The following ZNF775 variants were observed in gnomAD, a reference collection of about 807,000 sequenced individuals.
ZNF775 encodes the protein zinc finger protein 775.
ZNF775 carries 1 observed loss-of-function variant against 2.4 expected under a neutral mutation model. The ratio of observed to expected loss-of-function variants is 0.41; its 90% CI spans 0.15 to 1.94. The LOEUF is 1.94. Ranked by LOEUF, ZNF775 falls within the 30% of genes most tolerant of loss-of-function variation. The pLI is 0.30. For missense variants in ZNF775, 823 were observed against 826.6 expected (o/e 1.00, Z 0.05); for synonymous variants, 381 against 373.3 (o/e 1.02, Z -0.24).
At chr7:150,381,181 CA>C (rs575815957) in intron 1 of ZNF775, among the ~76,000 whole-genome samples, 144 of 150,904 alleles carry the variant, frequency 9.5e-4, no homozygotes, top group African/African-American at 3.3e-3. Context: ...AGGAGGGGGC[CA>C]GGGGTGTGGC....
At position 150,397,460 on chromosome 7, in the gene ZNF775, C is replaced by T; in HGVS notation, c.979C>T (p.His327Tyr). 1 of 1,593,600 alleles carries T rather than the reference C, an allele frequency of 6.3e-7. No homozygotes were observed. Among genetic ancestry groups the T allele is most frequent in the Non-Finnish European group, 8.5e-7 (1 of 1,174,914 alleles). The change falls in exon 3 of 3, where the codon CAC becomes TAC. Residue 327 changes from histidine to tyrosine, a missense_variant. Transcript: ENST00000329630. ...RFSQKPNLTR[H>Y]LRNHTGERPH... ...CAGCCAGAAGCCCAACTTGACGCGG[C>T]ACCTGCGCAACCACACAGGCGAGCG...
chr7:150,394,364 C>T (rs1251495599), intron 2 of ZNF775, among the ~76,000 whole-genome samples: 1 of 152,096 alleles, frequency 6.6e-6, no homozygotes, highest in African/African-American at 2.4e-5. Flanking sequence ...CAGTGGATTC[C>T]CTTGCACATT....
At chr7:150,393,695 T>C (rs1327056951) in intron 2 of ZNF775, among the ~76,000 whole-genome samples, 1 of 152,160 alleles carries the variant, frequency 6.6e-6, no homozygotes, top group Non-Finnish European at 1.5e-5. Context: ...TGAGACAGAG[T>C]TTTGCTCTCG....
chr7:150,396,714 C>G lies in ZNF775; in HGVS notation c.233C>G (p.Thr78Ser), dbSNP rs775808352. The part of the protein sequence containing the change: ...ESGSPRWAPP[T>S]EQDAGLAGRA... ...GGGAGTCCAAGGTGGGCCCCTCCCA[C>G]TGAGCAGGATGCGGGGCTGGCAGGC... The change falls in exon 3 of 3, where the codon ACT becomes AGT. Residue 78 changes from threonine (T) to serine (S), a missense_variant. By Grantham distance (58) the Thr-to-Ser change is moderately conservative (BLOSUM62 1). Transcript: ENST00000329630. 32 of 1,600,520 alleles carry G rather than the reference C, an allele frequency of 2.0e-5. No homozygotes were observed. The highest frequency in any genetic ancestry group is 2.6e-5 in the Non-Finnish European group (31 of 1,174,288).
chr7:150,396,923 C>G lies in ZNF775; in HGVS notation c.442C>G (p.Pro148Ala). ...GTGCGGCAAGAGCTTCAGCCAGAAG[C>G]CGAACCTGGCGCGCCACCAGCGGCA... Reference protein sequence around the residue: ...GKCGKSFSQKPNLARHQRHHT... With the variant: ...GKCGKSFSQKANLARHQRHHT... The change falls in exon 3 of 3, where the codon CCG (proline) becomes GCG (alanine). Residue 148 changes from proline (P) to alanine (A), a missense_variant. Coordinates refer to ENST00000329630, the MANE Select transcript of ZNF775 (RefSeq NM_173680.4). 1 of 1,601,878 alleles carries G rather than the reference C, an allele frequency of 6.2e-7. No homozygotes were observed. The highest frequency in any genetic ancestry group is 1.1e-5 in the South Asian group (1 of 91,048).
intron 1 of ZNF775, among the ~76,000 whole-genome samples, chr7:150,380,655 A>T (rs1373801480): frequency 6.6e-6 from 1 of 152,148 alleles, no homozygotes; most frequent in Non-Finnish European, 1.5e-5. Flanking sequence ...AGCAGAGTTG[A>T]GTTCTCAGTT....
At chr7:150,392,076 T>G (rs1800569312) in intron 2 of ZNF775, among the ~76,000 whole-genome samples, 1 of 152,194 alleles carries the variant, frequency 6.6e-6, no homozygotes, top group Non-Finnish European at 1.5e-5. Context: ...TGTTTTAAAT[T>G]TAGTTTTTAT....
chr7:150,389,883 G>A (rs1256182631), intron 2 of ZNF775, among the ~76,000 whole-genome samples: 2 of 23,666 alleles, frequency 8.5e-5, no homozygotes, highest in African/African-American at 3.2e-4. Flanking sequence ...GTGTGTGTGT[G>A]TGTGTGTGTG....
Position 150,397,410 on chromosome 7 carries a change from C to T in ZNF775, c.929C>T (p.Ala310Val), listed in dbSNP as rs1316489617. 2.5e-6 allele frequency: 4 copies of T among 1,596,444 alleles called. No individual in the cohort carries two copies. Among genetic ancestry groups the T allele is most frequent in the African/African-American group, 2.7e-5 (2 of 74,050 alleles). Residue 310 changes from alanine to valine, a missense_variant, in exon 3 of 3, where the codon GCG becomes GTG. Ala to Val is a moderately conservative substitution (Grantham distance 64). Transcript: ENST00000329630. ...ATCCACACTGGCGAGCGCCCCTATG[C>T]GTGCCCCGAGTGCGGCCGCCGCTTC... Reference protein sequence around the residue: ...QRIHTGERPYACPECGRRFSQ... With the variant: ...QRIHTGERPYVCPECGRRFSQ...
intron 1 of ZNF775, among the ~76,000 whole-genome samples, chr7:150,383,156 T>G (rs1255718595): frequency 6.6e-6 from 1 of 152,260 alleles, no homozygotes; most frequent in African/African-American, 2.4e-5. Context: ...GGTGTGTTTG[T>G]GTGTGGTTTA....
Position 150,396,955 on chromosome 7 carries a change from G to C in ZNF775, c.474G>C (p.Thr158=). ...PNLARHQRHH[T]GERPFCCPEC... ...TGGCGCGCCACCAGCGGCACCACAC[G>C]GGCGAGCGACCCTTCTGCTGCCCCG... Residue 158 remains threonine, a synonymous_variant, in exon 3 of 3, where the codon ACG becomes ACC. Coordinates refer to ENST00000329630, the MANE Select transcript of ZNF775 (RefSeq NM_173680.4). 3 of 1,600,106 alleles carry C rather than the reference G, an allele frequency of 1.9e-6. No individual in the cohort carries two copies. The highest frequency in any genetic ancestry group is 1.7e-5 in the Admixed American group (1 of 59,904).
intron 1 of ZNF775, among the ~76,000 whole-genome samples, chr7:150,381,227 C>G (rs74916550): frequency 0.012 from 1,803 of 152,120 alleles, 32 homozygotes; most frequent in African/African-American, 0.04. Flanking sequence ...TTCCAGCAAG[C>G]GTGTTTACCT....
chr7:150,383,594 TG>T (rs1263936669), intron 1 of ZNF775, among the ~76,000 whole-genome samples: 1 of 152,092 alleles, frequency 6.6e-6, no homozygotes, highest in African/African-American at 2.4e-5. Flanking sequence ...GGGCATGGGC[TG>T]GGACTGGAGA....
intron 1 of ZNF775, among the ~76,000 whole-genome samples, chr7:150,381,924 C>T (rs1800369939): frequency 6.6e-6 from 1 of 150,718 alleles, no homozygotes; most frequent in South Asian, 2.1e-4. Context: ...TGAGTGGGAT[C>T]CGGGAAGTTG....
chr7:150,398,114 A>G lies in ZNF775; in HGVS notation c.*19A>G. ...GCGCTAGTGGACTGGACCTCAGCGG[A>G]CCCGTGGTGGTGCGGGGGATGTTTG... On this transcript the variant is annotated 3_prime_UTR_variant, in exon 3 of 3. Coordinates refer to ENST00000329630, the MANE Select transcript of ZNF775 (RefSeq NM_173680.4). 6.5e-7 allele frequency: 1 copy of G among 1,538,008 alleles called. No individual in the cohort carries two copies. The highest frequency in any genetic ancestry group is 8.7e-7 in the Non-Finnish European group (1 of 1,147,014).
At chr7:150,392,693 C>T (rs899689366) in intron 2 of ZNF775, among the ~76,000 whole-genome samples, 1 of 151,966 alleles carries the variant, frequency 6.6e-6, no homozygotes, top group Non-Finnish European at 1.5e-5. Flanking sequence ...ACCACCACAC[C>T]CAGCTAATTT....
intron 1 of ZNF775, among the ~76,000 whole-genome samples, chr7:150,383,310 C>T (rs1800394389): frequency 6.6e-6 from 1 of 152,170 alleles, no homozygotes; most frequent in South Asian, 2.1e-4. Context: ...GCCTGAGGAG[C>T]CACCTCTTGG....
At chr7:150,381,911 T>G (rs987530631) in intron 1 of ZNF775, among the ~76,000 whole-genome samples, 2 of 148,078 alleles carry the variant, frequency 1.4e-5, no homozygotes, top group African/African-American at 2.5e-5. Context: ...GGTGGCCTTG[T>G]GCTGAGTGGG....
chr7:150,397,617 C>G lies in ZNF775; in HGVS notation c.1136C>G (p.Ala379Gly). The change falls in exon 3 of 3, where the codon GCC becomes GGC. Residue 379 changes from alanine (A) to glycine (G), a missense_variant. By Grantham distance (60) the Ala-to-Gly change is moderately conservative. Transcript: ENST00000329630. ...PSCGKSCRSR[A>G]ALRAHQRAHA... ...TGCGGTAAGAGCTGCCGCAGCCGCG[C>G]CGCGCTGCGCGCCCACCAGCGCGCC... 7 of 1,379,276 alleles carry G rather than the reference C, an allele frequency of 5.1e-6. No homozygotes were observed. The South Asian group carries it at 1.0e-4, about 21-fold the overall frequency. The allele number at this position is 1,379,276 out of a possible 1,614,324, so 85.4% of individuals were successfully genotyped here.
Sources: gnomAD v4.1 joint callset for allele counts (sites outside exome capture counted in the v4.1 genomes callset) on GRCh38, gnomAD v4.1.1 for gene constraint, MANE v1.5 for transcripts, NCBI Gene and HGNC (gene_info 2026-07-23, HGNC 2026-07-21) for gene names.